The following PREX2 variants were observed in gnomAD, a reference collection of about 807,000 sequenced individuals.
PREX2 encodes phosphatidylinositol-3,4,5-trisphosphate dependent Rac exchange factor 2.
A neutral mutation model predicts 203.2 loss-of-function variants in PREX2; 107 were observed. That is an observed-to-expected ratio of 0.53 (90% confidence interval 0.45 to 0.62). PREX2 has a LOEUF of 0.62. Ranked by LOEUF, PREX2 falls within the 20% of genes least tolerant of loss-of-function variation. PREX2 has a pLI of 0.00. For missense variants in PREX2, 1,777 were observed against 1,955.9 expected (o/e 0.91, Z 1.72); for synonymous variants, 672 against 663.6 (o/e 1.01, Z -0.19).
intron 6 of PREX2, among the ~76,000 whole-genome samples, chr8:68,035,918 A>G (rs1298340473): frequency 6.6e-6 from 1 of 152,194 alleles, no homozygotes; most frequent in Non-Finnish European, 1.5e-5. Flanking sequence ...TTTGCGGCAT[A>G]ACCATGAATT....
In PREX2 at chr8:68,201,900, A is replaced by ATTTT. The variant is rs869153263; in HGVS notation, c.4604+9396_4604+9399dup. Among the ~76,000 whole-genome samples the ATTTT allele has an allele frequency of 6.7e-3, 657 of 98,252 alleles. 35 individuals carry two copies. The highest frequency in any genetic ancestry group is 0.024 in the African/African-American group (544 of 22,730). The allele number at this position is 98,252 out of a possible 152,430, so 64.5% of individuals were successfully genotyped here. On this transcript the variant is annotated intron_variant, in intron 37 of 39. Transcript: ENST00000288368. The stretch of plus-strand genomic sequence containing the variant: ...CCAGGAAGGGAGTAAGGTAACACCT[A>ATTTT]TTTTTTTTTTTTTTTTTTTTTTTTG...
Position 68,090,730 on chromosome 8 carries a change from A to G in PREX2, c.2250+15A>G, listed in dbSNP as rs12544121. ...GGCCAACGAAGGTAAGTGGCCCTTC[A>G]GATAATCTGGATCTGAGTGACTACT... On this transcript the variant is annotated intron_variant, in intron 20 of 39. Coordinates refer to ENST00000288368, the MANE Select transcript of PREX2 (RefSeq NM_024870.4). 0.42 allele frequency: 674,260 copies of G among 1,608,336 alleles called. 144,027 individuals carry two copies. The highest frequency in any genetic ancestry group is 0.57 in the African/African-American group (42,301 of 74,834).
At chr8:68,220,519 T>C (rs1563593322) in intron 38 of PREX2, among the ~76,000 whole-genome samples, 1 of 152,128 alleles carries the variant, frequency 6.6e-6, no homozygotes, top group Non-Finnish European at 1.5e-5. Flanking sequence ...AGCATCACAC[T>C]GGACACAAAG....
At chr8:68,059,908 T>C (rs13249271) in intron 10 of PREX2, among the ~76,000 whole-genome samples, 45,081 of 152,072 alleles carry the variant, frequency 0.3, 6,846 homozygotes, top group Admixed American at 0.32. Context: ...CAGTTGCACA[T>C]TGAATCCTTC....
At chr8:68,113,134 C>T (rs2129612904) in intron 25 of PREX2, among the ~76,000 whole-genome samples, 1 of 152,278 alleles carries the variant, frequency 6.6e-6, no homozygotes, top group Admixed American at 6.5e-5. Flanking sequence ...TGTTGCTTTT[C>T]AGAATCTAGA....
chr8:68,094,670 C>G (rs1182055250), intron 21 of PREX2, among the ~76,000 whole-genome samples: 1 of 152,192 alleles, frequency 6.6e-6, no homozygotes, highest in Non-Finnish European at 1.5e-5. Context: ...GAATAATTCC[C>G]TATTCTGAGG....
chr8:68,106,817 C>G (rs1335502492), intron 23 of PREX2, among the ~76,000 whole-genome samples: 1 of 151,984 alleles, frequency 6.6e-6, no homozygotes, highest in Admixed American at 6.6e-5. Flanking sequence ...TTATAGTTTT[C>G]AAGGGAGAAG....
At chr8:68,062,230 G>A (rs922194567) in intron 11 of PREX2, among the ~76,000 whole-genome samples, 24 of 151,676 alleles carry the variant, frequency 1.6e-4, no homozygotes, top group African/African-American at 5.8e-4. Context: ...TTTTCTAGTC[G>A]CCGTCATCTC....
At chr8:67,981,193 A>T (rs1035971955) in intron 1 of PREX2, among the ~76,000 whole-genome samples, 1 of 152,218 alleles carries the variant, frequency 6.6e-6, no homozygotes, top group African/African-American at 2.4e-5. Context: ...AATATAAGGG[A>T]ACAGCCTTAT....
intron 14 of PREX2, among the ~76,000 whole-genome samples, chr8:68,076,017 A>G (rs1157608043): frequency 2.0e-5 from 3 of 152,210 alleles, no homozygotes; most frequent in Non-Finnish European, 4.4e-5. Context: ...AGCAAGAGGT[A>G]TGGTATTGAG....
At chr8:67,967,258 AATAGAACAG>A (rs1292456142) in intron 1 of PREX2, among the ~76,000 whole-genome samples, 3 of 152,230 alleles carry the variant, frequency 2.0e-5, no homozygotes, top group Non-Finnish European at 4.4e-5. Flanking sequence ...AAATAAAGTT[AATAGAACAG>A]ATTAGAAAAA....
chr8:67,963,149 G>T (rs1200475423), intron 1 of PREX2, among the ~76,000 whole-genome samples: 1 of 152,136 alleles, frequency 6.6e-6, no homozygotes. Flanking sequence ...AGTGGGGTGT[G>T]AGCAGAAGTG....
rs142671962 is a variant in PREX2, at chr8:68,126,936, G to A, written c.3725-442G>A. 6.7e-3 allele frequency among the ~76,000 whole-genome samples: 1,012 copies of A among 151,862 alleles called. 6 individuals carry two copies. Among genetic ancestry groups the A allele is most frequent in the Non-Finnish European group, 0.011 (761 of 67,876 alleles). On this transcript the variant is annotated intron_variant, in intron 30 of 39. Transcript: ENST00000288368. The stretch of plus-strand genomic sequence containing the variant: ...TGTGTGTATATATATATACACACAT[G>A]TGTAAACTTTGAAAGTTTAAATAAC...
intron 1 of PREX2, among the ~76,000 whole-genome samples, chr8:67,957,415 C>T (rs1193762736): frequency 6.6e-6 from 1 of 152,130 alleles, no homozygotes; most frequent in East Asian, 1.9e-4. Flanking sequence ...CCTGGAGCTC[C>T]AGAGGCCCTT....
chr8:68,058,188 G>A (rs1230255334), intron 10 of PREX2, among the ~76,000 whole-genome samples: 1 of 151,992 alleles, frequency 6.6e-6, no homozygotes, highest in African/African-American at 2.4e-5. Flanking sequence ...CTTTATTCTC[G>A]ACCTCTCACT....
At chr8:68,060,999 G>A (rs910352138) in intron 11 of PREX2, among the ~76,000 whole-genome samples, 10 of 152,158 alleles carry the variant, frequency 6.6e-5, no homozygotes, top group African/African-American at 1.4e-4. Flanking sequence ...ATACAGGCAA[G>A]TGTTAGAAAA....
intron 1 of PREX2, among the ~76,000 whole-genome samples, chr8:68,016,184 T>A (rs1177650641): frequency 6.6e-6 from 1 of 152,228 alleles, no homozygotes; most frequent in Non-Finnish European, 1.5e-5. Flanking sequence ...CAATTTCCTA[T>A]TACCTAAAAG....
At chr8:68,230,583 T>G (rs982522769) in intron 39 of PREX2, among the ~76,000 whole-genome samples, 17 of 152,180 alleles carry the variant, frequency 1.1e-4, no homozygotes, top group Admixed American at 9.2e-4. Context: ...ATTTAACCAC[T>G]GAGGAGAATG....
rs562333778 is a variant in PREX2 at position 68,142,582 on chromosome 8, A to G, written c.4088-3627A>G. On this transcript the variant is annotated intron_variant, in intron 33 of 39. Transcript: ENST00000288368. Reference sequence around the variant, plus strand: ...GTTTTGGCAATTATGAAGAGTGGCTATAAACACACATGTGCAGGTTTTTCT... The same window carrying G: ...GTTTTGGCAATTATGAAGAGTGGCTGTAAACACACATGTGCAGGTTTTTCT... 9.2e-5 allele frequency among the ~76,000 whole-genome samples: 14 copies of G among 152,296 alleles called. No homozygotes were observed. The South Asian group carries it at 2.3e-3, about 25-fold the overall frequency.
Sources: gnomAD v4.1 joint callset for allele counts (sites outside exome capture counted in the v4.1 genomes callset) on GRCh38, gnomAD v4.1.1 for gene constraint, MANE v1.5 for transcripts, NCBI Gene and HGNC (gene_info 2026-07-23, HGNC 2026-07-21) for gene names.